Variants in KAZN observed in about 807,000 individuals in gnomAD.
KAZN encodes the protein kazrin.
A neutral mutation model predicts 87.4 loss-of-function variants in KAZN; 40 were observed. That is an observed-to-expected ratio of 0.46 (90% confidence interval 0.36 to 0.60). The LOEUF is 0.60. KAZN is among the 20% of genes least tolerant of loss of function. The pLI is 0.00. For missense variants in KAZN, 898 were observed against 1,073.9 expected (o/e 0.84, Z 2.29); for synonymous variants, 466 against 458.3 (o/e 1.02, Z -0.22).
chr1:14,946,822 CTCATGG>C (rs1201937754), intron 1 of KAZN, among the ~76,000 whole-genome samples: 4 of 152,340 alleles, frequency 2.6e-5, no homozygotes, highest in African/African-American at 9.6e-5. Flanking sequence ...TGTTCTCCAG[CTCATGG>C]TATAGCCAGT....
chr1:14,263,362 A>G (rs1651226700), intron 2 of KAZN, among the ~76,000 whole-genome samples: 1 of 152,210 alleles, frequency 6.6e-6, no homozygotes, highest in South Asian at 2.1e-4. Context: ...TGTGTTCCTC[A>G]TTTTTAGATG....
chr1:15,001,870 C>CTTTTTTTTT lies in KAZN; in HGVS notation c.419-32858_419-32850dup, dbSNP rs34948148. ...CCTCTTGGCCCCACAAAGTCAAAATCTTTTTTTTTTTTTTTTTTTTTTTTT... is the reference window on the plus strand; with the variant it reads ...CCTCTTGGCCCCACAAAGTCAAAATCTTTTTTTTTTTTTTTTTTTTTTTTTTTTTTTTTT... On this transcript the variant is annotated intron_variant, in intron 2 of 14. Coordinates refer to ENST00000376030, the MANE Select transcript of KAZN (RefSeq NM_201628.3). 3.5e-5 allele frequency among the ~76,000 whole-genome samples: 2 copies of CTTTTTTTTT among 57,754 alleles called. 1 individual carries two copies. Among genetic ancestry groups the CTTTTTTTTT allele is most frequent in the African/African-American group, 1.8e-4 (2 of 10,982 alleles). The allele number at this position is 57,754 out of a possible 152,430, so 37.9% of individuals were successfully genotyped here.
intron 2 of KAZN, among the ~76,000 whole-genome samples, chr1:14,215,117 C>CA (rs1161840892): frequency 6.6e-6 from 1 of 152,102 alleles, no homozygotes; most frequent in Non-Finnish European, 1.5e-5. Flanking sequence ...AAGCATTTAT[C>CA]AAAAAAGTCA....
intron 1 of KAZN, among the ~76,000 whole-genome samples, chr1:14,103,062 G>C (rs974413030): frequency 2.0e-5 from 3 of 152,028 alleles, no homozygotes; most frequent in Non-Finnish European, 2.9e-5. Context: ...GGTTATAGGT[G>C]TGCACCACCA....
chr1:14,762,910 G>T (rs867781228), intron 1 of KAZN, among the ~76,000 whole-genome samples: 5 of 152,150 alleles, frequency 3.3e-5, no homozygotes, highest in South Asian at 2.1e-4. Flanking sequence ...GAGATAGAAG[G>T]TGCCTTTATT....
At chr1:14,664,157 G>A (rs1035596573) in intron 1 of KAZN, among the ~76,000 whole-genome samples, 1 of 152,322 alleles carries the variant, frequency 6.6e-6, no homozygotes, top group African/African-American at 2.4e-5. Flanking sequence ...GACTGGCCGG[G>A]CGTAGTGGCT....
intron 2 of KAZN, among the ~76,000 whole-genome samples, chr1:14,269,477 G>A (rs1341388548): frequency 2.6e-5 from 4 of 152,124 alleles, no homozygotes; most frequent in African/African-American, 7.2e-5. Flanking sequence ...AATAAAAGGC[G>A]TCCACCAACC....
At chr1:14,825,962 C>T (rs1454978816) in intron 1 of KAZN, among the ~76,000 whole-genome samples, 2 of 152,202 alleles carry the variant, frequency 1.3e-5, no homozygotes, top group Non-Finnish European at 2.9e-5. Flanking sequence ...GCTCAGTGAA[C>T]ACGCTCTGAA....
At chr1:14,598,622 C>A, upstream of KAZN, 1 of 1,099,104 alleles carries the variant, frequency 9.1e-7, no homozygotes, top group Non-Finnish European at 1.1e-6. The surrounding 1 kb of genome is among the most constrained non-coding windows in gnomAD (Gnocchi z 4.2). Context: ...GACCGAGACC[C>A]CCTCCCGAGC....
At chr1:14,422,832 C>T (rs1428824075) in intron 2 of KAZN, among the ~76,000 whole-genome samples, 1 of 152,172 alleles carries the variant, frequency 6.6e-6, no homozygotes, top group Non-Finnish European at 1.5e-5. Context: ...ATTCTAATCC[C>T]CAAGGCTTTC....
At chr1:14,267,720 C>G (rs1651603466) in intron 2 of KAZN, among the ~76,000 whole-genome samples, 1 of 152,172 alleles carries the variant, frequency 6.6e-6, no homozygotes, top group African/African-American at 2.4e-5. Flanking sequence ...GTAATCCCAG[C>G]ACTTTGAGAG....
At chr1:14,019,861 T>C (rs1490158475) in intron 1 of KAZN, among the ~76,000 whole-genome samples, 3 of 152,174 alleles carry the variant, frequency 2.0e-5, no homozygotes, top group Non-Finnish European at 2.9e-5. Context: ...AATTTTTCCA[T>C]GGATGGCTGT....
At chr1:14,190,244 T>C (rs1646395738) in intron 2 of KAZN, among the ~76,000 whole-genome samples, 1 of 152,270 alleles carries the variant, frequency 6.6e-6, no homozygotes, top group African/African-American at 2.4e-5. Flanking sequence ...GTGGTACACA[T>C]TGCAGAGCGA....
At chr1:14,847,393 T>C (rs1026407691) in intron 1 of KAZN, among the ~76,000 whole-genome samples, 6 of 152,204 alleles carry the variant, frequency 3.9e-5, no homozygotes, top group Non-Finnish European at 8.8e-5. Context: ...GCCCAGAGTC[T>C]CAAAGCAGCC....
chr1:13,932,558 C>T (rs12034170), intron 1 of KAZN, among the ~76,000 whole-genome samples: 2,490 of 152,294 alleles, frequency 0.016, 62 homozygotes, highest in African/African-American at 0.055. Context: ...CCGCGCCCGG[C>T]CTTATTAAAC....
chr1:14,418,960 T>C (rs1361729667), intron 2 of KAZN, among the ~76,000 whole-genome samples: 1 of 152,212 alleles, frequency 6.6e-6, no homozygotes, highest in Non-Finnish European at 1.5e-5. Context: ...ACTGTCCCCC[T>C]GTGAACTCTT....
At position 14,401,878 on chromosome 1, in the gene KAZN, G is replaced by C. The variant is rs1397899396; in HGVS notation, c.250-197105G>C. Among the ~76,000 whole-genome samples the C allele has an allele frequency of 3.3e-5, 5 of 152,080 alleles. No individual in the cohort carries two copies. In the South Asian group the frequency reaches 6.2e-4, roughly 19 times the overall value. ...GAAATGGGAAAAAAAATTGCTGCTG[G>C]AACCTAAAAGCAAACGTCATATTAA... On this transcript the variant is annotated intron_variant, in intron 2 of 16. Coordinates refer to the KAZN transcript ENST00000636203.
intron 2 of KAZN, among the ~76,000 whole-genome samples, chr1:14,472,215 T>C (rs999278050): frequency 5.9e-5 from 9 of 152,108 alleles, no homozygotes; most frequent in African/African-American, 2.2e-4. Context: ...ACGGACACAT[T>C]GTAGATTAGG....
chr1:15,019,871 T>C (rs1337180491), intron 2 of KAZN, among the ~76,000 whole-genome samples: 1 of 152,176 alleles, frequency 6.6e-6, no homozygotes, highest in Non-Finnish European at 1.5e-5. Context: ...GCTGTTGTCA[T>C]TATTAGTGCT....
Sources: allele counts gnomAD v4.1 joint callset (sites outside exome capture counted in the v4.1 genomes callset), GRCh38; gene constraint gnomAD v4.1.1; non-coding constraint Gnocchi (gnomAD v3.1); transcripts MANE v1.5; gene names NCBI Gene and HGNC (gene_info 2026-07-23, HGNC 2026-07-21).